ZNF888: variants seen among roughly 807,000 people sequenced by gnomAD.
ZNF888 encodes CTD-2331H12.6.
A neutral mutation model predicts 7.2 loss-of-function variants in ZNF888; 5 were observed. The ratio of observed to expected loss-of-function variants is 0.70; its 90% CI spans 0.36 to 1.46. The LOEUF is 1.46. Ranked by LOEUF, ZNF888 falls within the 40% of genes most tolerant of loss-of-function variation. The probability of loss-of-function intolerance (pLI) is 0.03; values close to 1 mark genes in which losing one functional copy is unlikely to be tolerated. For missense variants in ZNF888, 716 were observed against 858.0 expected, an observed-to-expected ratio of 0.83 and a Z score of 2.07; for synonymous variants, 240 against 284.3, an observed-to-expected ratio of 0.84 and a Z score of 1.57.
At position 52,907,878 on chromosome 19, in the gene ZNF888, A is replaced by T; in HGVS notation, c.444T>A (p.Pro148=). 6.2e-7 allele frequency: 1 copy of T among 1,614,194 alleles called. No individual in the cohort carries two copies. The highest frequency in any genetic ancestry group is 1.1e-5 in the South Asian group (1 of 91,082). ...CTTCGGGCTGAAATATGTGCAGTTCAGGCAGATGTGAATGAAAGCTTGATC... is the reference window on the plus strand; with the variant it reads ...CTTCGGGCTGAAATATGTGCAGTTCTGGCAGATGTGAATGAAAGCTTGATC... ...QLGSSFHSHL[P]ELHIFQPEGK... The change falls in exon 5 of 5, where the codon CCT becomes CCA. Residue 148 remains proline (P), a synonymous_variant. Coordinates refer to ENST00000638862, the MANE Select transcript of ZNF888 (RefSeq NM_001393938.1).
Position 52,916,627 on chromosome 19 carries a change from T to TATATATATATATATAC in ZNF888, c.15+1231_15+1232insGTATATATATATATAT, listed in dbSNP as rs1431267956. Among the ~76,000 whole-genome samples, 268 of 142,124 alleles carry TATATATATATATATAC rather than the reference T, an allele frequency of 1.9e-3. 1 individual carries two copies. The highest frequency in any genetic ancestry group is 7.0e-3 in the African/African-American group (252 of 35,764). 93.2% of individuals were successfully genotyped at this position (142,124 alleles called of 152,430 possible). ...ACATATACATATACATATATATATA[T>TATATATATATATATAC]ATATATATATATATAGGTTTTAAAT... On this transcript the variant is annotated intron_variant, in intron 3 of 4. Transcript: ENST00000638862.
intron 1 of ZNF888, among the ~76,000 whole-genome samples, chr19:52,919,960 C>A (rs1188478244): frequency 3.6e-5 from 2 of 56,042 alleles, no homozygotes; most frequent in African/African-American, 7.2e-5. Context: ...CCCCTCTGCC[C>A]GGCCAGCCGC....
In ZNF888 at chr19:52,907,970, A is replaced by C; in HGVS notation, c.352T>G (p.Leu118Val). 1.2e-6 allele frequency: 2 copies of C among 1,613,884 alleles called. No individual in the cohort carries two copies. ...HEAPMTEIKE[L>V]TGSTDQYDQR... ...TCATATTGGTCTGTACTACCCGTCA[A>C]CTCTTTGATTTCTGTCATGGGTGCT... The change falls in exon 5 of 5, where the codon TTG becomes GTG. Residue 118 changes from leucine (L) to valine (V), a missense_variant. Leu to Val is a conservative substitution (Grantham distance 32, BLOSUM62 1). This residue lies in a region of ZNF888 where 697 missense variants were observed against 803.4 expected (regional missense o/e 0.87). Coordinates refer to ENST00000638862, the MANE Select transcript of ZNF888 (RefSeq NM_001393938.1).
In ZNF888 at chr19:52,905,628, A is replaced by T; in HGVS notation, c.*537T>A. 2.6e-6 allele frequency: 1 copy of T among 389,042 alleles called. No individual in the cohort carries two copies. The highest frequency in any genetic ancestry group is 2.1e-5 in the South Asian group (1 of 48,324). The allele number at this position is 389,042 out of a possible 1,614,324, so 24.1% of individuals were successfully genotyped here. A position where few individuals can be genotyped will look rare whatever the true frequency, so the allele number is the denominator to read the frequency against. On this transcript the variant is annotated 3_prime_UTR_variant, in exon 5 of 5. Coordinates refer to ENST00000638862, the MANE Select transcript of ZNF888 (RefSeq NM_001393938.1). ...CCGCACTCAGCCTAATCCTCTTAAC[A>T]TAAACACTTTAATGTCAATTAATGC...
intron 4 of ZNF888, among the ~76,000 whole-genome samples, chr19:52,911,539 C>T (rs2064678675): frequency 6.6e-6 from 1 of 151,680 alleles, no homozygotes; most frequent in Non-Finnish European, 1.5e-5. Flanking sequence ...GGGGTTTCAC[C>T]ATGTCAGCCA....
In ZNF888 at chr19:52,904,525, G is replaced by T. The variant is rs982761455; in HGVS notation, c.*1640C>A. On this transcript the variant is annotated 3_prime_UTR_variant, in exon 5 of 5. Transcript: ENST00000638862. Reference sequence around the variant, plus strand: ...CCTTTTTAAGGGCTCACAACACTAAGGATTTCACATGAAACGGTCGTGATT... The same window carrying T: ...CCTTTTTAAGGGCTCACAACACTAATGATTTCACATGAAACGGTCGTGATT... 5 of 152,200 alleles carry T rather than the reference G, an allele frequency of 3.3e-5. No homozygotes were observed. The highest frequency in any genetic ancestry group is 4.8e-5 in the African/African-American group (2 of 41,456). The allele number at this position is 152,200 out of a possible 1,614,324, so 9.4% of individuals were successfully genotyped here.
rs113109544 is a variant in ZNF888 at position 52,917,747 on chromosome 19, T to C, written c.15+112A>G. 3,478 of 1,571,170 alleles carry C rather than the reference T, an allele frequency of 2.2e-3. 60 individuals carry two copies. The African/African-American group carries it at 0.038, about 17-fold the overall frequency. The stretch of plus-strand genomic sequence containing the variant: ...GACTGAGGGAAGGCATGGGTGAGTG[T>C]GAGCAAACCTGTCACGCAGGATGCT... On this transcript the variant is annotated intron_variant, in intron 3 of 4. Transcript: ENST00000638862.
chr19:52,913,524 C>G (rs907483908), intron 4 of ZNF888, among the ~76,000 whole-genome samples: 1 of 151,986 alleles, frequency 6.6e-6, no homozygotes, highest in Non-Finnish European at 1.5e-5. Flanking sequence ...GAAGTTTCAG[C>G]ATGTTAGCTA....
At chr19:52,909,402 C>G (rs2064650938) in intron 4 of ZNF888, among the ~76,000 whole-genome samples, 1 of 151,796 alleles carries the variant, frequency 6.6e-6, no homozygotes, top group South Asian at 2.1e-4. Flanking sequence ...CACACACCAC[C>G]ATGCCCAGCT....
In ZNF888 at chr19:52,908,179, T is replaced by G; in HGVS notation, c.143A>C (p.Asp48Ala). ...CTCCATCATGCATTTGGAAGAGATA[T>G]CTACAAAATATAAACGCCAATAGTT... is the stretch of plus-strand genomic sequence containing the variant. ...LENYRNLVSL[D>A]ISSKCMMEFS... Residue 48 changes from aspartate (D) to alanine (A), a missense_variant and splice_region_variant, in exon 5 of 5, where the codon GAT becomes GCT. Transcript: ENST00000638862. 1 of 1,613,798 alleles carries G rather than the reference T, an allele frequency of 6.2e-7. No individual in the cohort carries two copies. The highest frequency in any genetic ancestry group is 2.2e-5 in the East Asian group (1 of 44,872).
At chr19:52,916,338 T>G (rs1312388109) in intron 3 of ZNF888, among the ~76,000 whole-genome samples, 1 of 151,896 alleles carries the variant, frequency 6.6e-6, no homozygotes, top group African/African-American at 2.4e-5. Context: ...AAAACAAACT[T>G]ACTCAAAGTA....
chr19:52,909,250 G>T (rs920414792), intron 4 of ZNF888, among the ~76,000 whole-genome samples: 6 of 148,174 alleles, frequency 4.0e-5, no homozygotes, highest in African/African-American at 2.6e-5. Context: ...AAAAATTTTT[G>T]TATTTTTTTT....
At chr19:52,912,238 C>T (rs759670384) in intron 4 of ZNF888, among the ~76,000 whole-genome samples, 84 of 150,656 alleles carry the variant, frequency 5.6e-4, no homozygotes, top group African/African-American at 1.3e-3. Context: ...CTCAGCCTCC[C>T]GAGTAGCTGG....
intron 4 of ZNF888, 83 bp downstream of exon 4, chr19:52,915,113 A>G: frequency 6.5e-7 from 1 of 1,534,948 alleles, no homozygotes; most frequent in Non-Finnish European, 8.7e-7. Flanking sequence ...ATTTTAGTCA[A>G]GCAAGGATGC....
intron 2 of ZNF888, among the ~76,000 whole-genome samples, chr19:52,918,441 C>T (rs1369671253): frequency 2.6e-5 from 4 of 152,084 alleles, no homozygotes; most frequent in African/African-American, 9.7e-5. Context: ...TGAGACCAGC[C>T]TGGCAAACAT....
At chr19:52,919,174 G>C (rs62116780) in intron 1 of ZNF888, among the ~76,000 whole-genome samples, 11 of 3,276 alleles carry the variant, frequency 3.4e-3, no homozygotes, top group East Asian at 5.6e-3. Flanking sequence ...CCCTCCTCTC[G>C]CTCTCCCTCT....
At chr19:52,911,661 G>A (rs2147927827) in intron 4 of ZNF888, among the ~76,000 whole-genome samples, 1 of 151,984 alleles carries the variant, frequency 6.6e-6, no homozygotes, top group East Asian at 1.9e-4. Context: ...TTTCTAACAG[G>A]ACAGTGAAAT....
chr19:52,916,176 G>C (rs1345407040), intron 3 of ZNF888, among the ~76,000 whole-genome samples: 1 of 152,178 alleles, frequency 6.6e-6, no homozygotes, highest in Admixed American at 6.6e-5. Context: ...GGGCATGGTG[G>C]CAGGCACCTG....
chr19:52,912,824 T>G (rs926956235), intron 4 of ZNF888, among the ~76,000 whole-genome samples: 2 of 150,814 alleles, frequency 1.3e-5, no homozygotes, highest in African/African-American at 5.0e-5. Flanking sequence ...AAAAAACAGA[T>G]AGGCCGGACA....
Sources: gnomAD v4.1 joint callset for allele counts (sites outside exome capture counted in the v4.1 genomes callset) on GRCh38, gnomAD v4.1.1 for gene constraint, gnomAD v4.1.1 regional missense constraint, MANE v1.5 for transcripts, NCBI Gene and HGNC (gene_info 2026-07-23, HGNC 2026-07-21) for gene names.